The following GRIA4 variants were observed in gnomAD, a reference collection of about 807,000 sequenced individuals.
The protein encoded by GRIA4 is glutamate receptor 4.
A neutral mutation model predicts 104.0 loss-of-function variants in GRIA4; 34 were observed. The ratio of observed to expected loss-of-function variants is 0.33; its 90% CI spans 0.25 to 0.44. The LOEUF (loss-of-function observed/expected upper bound fraction) is 0.44. Among genes scored for constraint, GRIA4 ranks in the 20% least tolerant of loss-of-function variants. The pLI is 1.00. For synonymous variants in GRIA4, 386 were observed against 381.9 expected (o/e 1.01, Z -0.13); for missense variants, 750 against 1,096.5 (o/e 0.68, Z 4.46).
intron 4 of GRIA4, among the ~76,000 whole-genome samples, chr11:105,775,755 T>C (rs1258718219): frequency 1.3e-5 from 2 of 152,002 alleles, no homozygotes; most frequent in Non-Finnish European, 2.9e-5. Context: ...AAAGGTAAAA[T>C]ATTGTACCCT....
At chr11:105,659,544 C>T (rs1293169837) in intron 3 of GRIA4, among the ~76,000 whole-genome samples, 5 of 151,814 alleles carry the variant, frequency 3.3e-5, no homozygotes, top group Non-Finnish European at 7.4e-5. Context: ...CCCTAAGTAG[C>T]ATCACTAAAC....
At chr11:105,705,401 TAAAAC>T (rs1439997799) in intron 3 of GRIA4, among the ~76,000 whole-genome samples, 1 of 151,996 alleles carries the variant, frequency 6.6e-6, no homozygotes, top group Non-Finnish European at 1.5e-5. Context: ...CCAGAGGAGA[TAAAAC>T]AAGAATAAAC....
chr11:105,779,872 C>T (rs1941647628), intron 4 of GRIA4, among the ~76,000 whole-genome samples: 1 of 151,906 alleles, frequency 6.6e-6, no homozygotes. Flanking sequence ...TAATATCTCA[C>T]ATATATAGAT....
intron 4 of GRIA4, among the ~76,000 whole-genome samples, chr11:105,809,922 G>A (rs1943107061): frequency 6.6e-6 from 1 of 151,860 alleles, no homozygotes; most frequent in Non-Finnish European, 1.5e-5. Context: ...CCAAGCCTTT[G>A]GGAGCCACCA....
chr11:105,913,648 G>T (rs916066782), intron 10 of GRIA4: 22 of 187,824 alleles, frequency 1.2e-4, no homozygotes, highest in Non-Finnish European at 4.0e-5. Context: ...AAGGGAGGGT[G>T]CTGTTTTCCT....
chr11:105,770,237 C>T (rs1003081446), intron 4 of GRIA4, among the ~76,000 whole-genome samples: 4 of 152,038 alleles, frequency 2.6e-5, no homozygotes, highest in South Asian at 2.1e-4. Flanking sequence ...ACAGACTTTA[C>T]TTGTGGGTAC....
intron 7 of GRIA4, among the ~76,000 whole-genome samples, chr11:105,900,483 C>T (rs1039730371): frequency 2.0e-5 from 3 of 152,158 alleles, no homozygotes; most frequent in Admixed American, 2.0e-4. Flanking sequence ...CCTCAAAAGT[C>T]CTCCACCATC....
intron 11 of GRIA4, among the ~76,000 whole-genome samples, chr11:105,924,155 C>G (rs1947643604): frequency 6.6e-6 from 1 of 152,138 alleles, no homozygotes; most frequent in Non-Finnish European, 1.5e-5. Context: ...CACTCTTACT[C>G]TGTTTTCTAT....
At chr11:105,842,695 G>C (rs1331087242) in intron 4 of GRIA4, 1 of 152,034 alleles carries the variant, frequency 6.6e-6, no homozygotes, top group East Asian at 1.9e-4. Flanking sequence ...CTTTTTAAAA[G>C]GTGTGGCCGC....
chr11:105,656,455 A>T (rs1486265347), intron 3 of GRIA4, among the ~76,000 whole-genome samples: 1 of 152,158 alleles, frequency 6.6e-6, no homozygotes, highest in Non-Finnish European at 1.5e-5. Context: ...TTCAGGACAT[A>T]GGCATGGGCA....
At chr11:105,744,468 A>G (rs1368196564) in intron 3 of GRIA4, among the ~76,000 whole-genome samples, 1 of 152,206 alleles carries the variant, frequency 6.6e-6, no homozygotes, top group Admixed American at 6.5e-5. Flanking sequence ...CCGAGTTCAG[A>G]TATCTACAAG....
intron 4 of GRIA4, among the ~76,000 whole-genome samples, chr11:105,840,367 A>C (rs1298317873): frequency 6.6e-6 from 1 of 152,230 alleles, no homozygotes; most frequent in Admixed American, 6.5e-5. Context: ...TAATATTGTC[A>C]CCAAAACATT....
chr11:105,834,682 TGTAA>T (rs1369907481), intron 4 of GRIA4, among the ~76,000 whole-genome samples: 1 of 151,742 alleles, frequency 6.6e-6, no homozygotes, highest in East Asian at 1.9e-4. Flanking sequence ...AGGTTTCAGA[TGTAA>T]GTATTACTGT....
chr11:105,611,934 T>C (rs1950491725), intron 2 of GRIA4, among the ~76,000 whole-genome samples: 1 of 152,174 alleles, frequency 6.6e-6, no homozygotes, highest in African/African-American at 2.4e-5. Context: ...AAATCTCTTT[T>C]CCGCTCATCT....
At chr11:105,706,790 A>G (rs1459965263) in intron 3 of GRIA4, 1 of 152,306 alleles carries the variant, frequency 6.6e-6, no homozygotes, top group African/African-American at 2.4e-5. Flanking sequence ...CGATATTGGC[A>G]ACATCATTTC....
chr11:105,657,256 AC>A, intron 3 of GRIA4, among the ~76,000 whole-genome samples: 1 of 151,962 alleles, frequency 6.6e-6, no homozygotes, highest in East Asian at 1.9e-4. Context: ...TCTGCAACAA[AC>A]AAGCTTTTCA....
intron 3 of GRIA4, among the ~76,000 whole-genome samples, chr11:105,675,329 A>G (rs941452929): frequency 5.3e-5 from 8 of 151,898 alleles, no homozygotes; most frequent in Non-Finnish European, 1.2e-4. Context: ...AATCTTCTGC[A>G]CATTTTGAAT....
At chr11:105,672,381 G>A (rs1952402864) in intron 3 of GRIA4, among the ~76,000 whole-genome samples, 1 of 152,078 alleles carries the variant, frequency 6.6e-6, no homozygotes, top group Non-Finnish European at 1.5e-5. Flanking sequence ...CTGCTTCAAA[G>A]CTAAGGCAAG....
intron 3 of GRIA4, among the ~76,000 whole-genome samples, chr11:105,648,416 A>G (rs527573574): frequency 6.6e-6 from 1 of 151,414 alleles, no homozygotes; most frequent in African/African-American, 2.4e-5. Context: ...AATTGGATAA[A>G]TTATTTAAAT....
Sources: allele counts gnomAD v4.1 joint callset (sites outside exome capture counted in the v4.1 genomes callset), GRCh38; gene constraint gnomAD v4.1.1; transcripts MANE v1.5; gene names NCBI Gene and HGNC (gene_info 2026-07-23, HGNC 2026-07-21).